Variants in SLC33A1 observed in about 807,000 individuals in gnomAD.
SLC33A1 encodes solute carrier family 33 member 1.
SLC33A1 carries 20 observed loss-of-function variants against 50.0 expected under a neutral mutation model. That is an observed-to-expected ratio of 0.40 (90% confidence interval 0.28 to 0.58). The LOEUF (loss-of-function observed/expected upper bound fraction) is 0.58. SLC33A1 is among the 20% of genes least tolerant of loss of function. SLC33A1 has a pLI of 0.44. For missense variants in SLC33A1, 476 were observed against 657.0 expected (o/e 0.72, Z 3.01); for synonymous variants, 265 against 251.8 (o/e 1.05, Z -0.50).
intron 1 of SLC33A1, among the ~76,000 whole-genome samples, chr3:155,849,715 C>G (rs1459528541): frequency 6.6e-6 from 1 of 151,644 alleles, no homozygotes; most frequent in East Asian, 2.0e-4. Context: ...CAAGACCAGC[C>G]TGGCCAACAT....
chr3:155,830,389 T>A (rs1752379476), intron 4 of SLC33A1, among the ~76,000 whole-genome samples: 2 of 150,354 alleles, frequency 1.3e-5, no homozygotes, highest in South Asian at 2.1e-4. Flanking sequence ...AATAAATAAA[T>A]AAAAATAAAT....
At chr3:155,840,007 C>T (rs962131921) in intron 2 of SLC33A1, among the ~76,000 whole-genome samples, 6 of 151,826 alleles carry the variant, frequency 4.0e-5, no homozygotes, top group Non-Finnish European at 5.9e-5. Flanking sequence ...TACACACATA[C>T]ATGCACACAC....
intron 1 of SLC33A1, among the ~76,000 whole-genome samples, chr3:155,846,625 G>A (rs1160590164): frequency 6.6e-6 from 1 of 151,816 alleles, no homozygotes; most frequent in Non-Finnish European, 1.5e-5. Context: ...GCTAATTTTT[G>A]TATTTTTAGT....
chr3:155,849,446 A>G (rs1282251719), intron 1 of SLC33A1, among the ~76,000 whole-genome samples: 1 of 152,214 alleles, frequency 6.6e-6, no homozygotes, highest in Non-Finnish European at 1.5e-5. Flanking sequence ...AGTCATAAAA[A>G]GGAGAATGAA....
intron 2 of SLC33A1, among the ~76,000 whole-genome samples, chr3:155,835,084 T>A (rs889764516): frequency 1.3e-5 from 2 of 152,306 alleles, no homozygotes; most frequent in South Asian, 4.2e-4. Context: ...TTCCCAATAT[T>A]GAGTTGTGGT....
intron 4 of SLC33A1, 32 bp downstream of exon 4, chr3:155,833,436 T>C (rs748526947): frequency 9.9e-7 from 1 of 1,005,718 alleles, no homozygotes; most frequent in Non-Finnish European, 1.6e-6. Context: ...CACAGAACAG[T>C]TTATTTCCTG....
At chr3:155,845,495 G>A (rs1014570943) in intron 1 of SLC33A1, among the ~76,000 whole-genome samples, 2 of 152,036 alleles carry the variant, frequency 1.3e-5, no homozygotes, top group South Asian at 4.1e-4. Flanking sequence ...CCCAGACAAG[G>A]ATATTTCTAA....
intron 1 of SLC33A1, chr3:155,842,851 A>G: frequency 3.7e-6 from 1 of 272,378 alleles, no homozygotes; most frequent in Non-Finnish European, 6.8e-6. Context: ...CCTACAAAAA[A>G]TAAGAAATTA....
chr3:155,847,029 G>A, intron 1 of SLC33A1, among the ~76,000 whole-genome samples: 1 of 151,632 alleles, frequency 6.6e-6, no homozygotes. Context: ...CCAACATGGT[G>A]AAACCCTGTC....
rs1752153431 is a variant in SLC33A1, at chr3:155,824,241, T to C, written c.*3969A>G. 6.6e-6 allele frequency: 1 copy of C among 152,270 alleles called. No homozygotes were observed. The highest frequency in any genetic ancestry group is 2.1e-4 in the South Asian group (1 of 4,838). 9.4% of individuals were successfully genotyped at this position (152,270 alleles called of 1,614,324 possible). A position where few individuals can be genotyped will look rare whatever the true frequency, so the allele number is the denominator to read the frequency against. On this transcript the variant is annotated 3_prime_UTR_variant, in exon 6 of 6. Transcript: ENST00000643144. The stretch of plus-strand genomic sequence containing the variant: ...ATACATTTTGGAAATCTGCATGGAA[T>C]GTTCCCAACAAGTTATTTCATTTTA...
At position 155,826,635 on chromosome 3, in the gene SLC33A1, C is replaced by T. The variant is rs1447116334; in HGVS notation, c.*1575G>A. On this transcript the variant is annotated 3_prime_UTR_variant, in exon 6 of 6. Transcript: ENST00000643144. ...GTATGGTTTGGTGTAGCCTCCTTGC[C>T]TCTAGGATGGGATTTTTTCCAGGTG... 1.3e-5 allele frequency: 2 copies of T among 151,946 alleles called. No individual in the cohort carries two copies. Among genetic ancestry groups the T allele is most frequent in the Non-Finnish European group, 2.9e-5 (2 of 68,006 alleles). The allele number at this position is 151,946 out of a possible 1,614,324, so 9.4% of individuals were successfully genotyped here. A position where few individuals can be genotyped will look rare whatever the true frequency, so the allele number is the denominator to read the frequency against.
At chr3:155,839,296 G>A (rs7372899) in intron 2 of SLC33A1, among the ~76,000 whole-genome samples, 15 of 44,950 alleles carry the variant, frequency 3.3e-4, no homozygotes, top group African/African-American at 8.5e-4. Context: ...GTGAAACTCC[G>A]CCTCAAAAAA....
intron 1 of SLC33A1, among the ~76,000 whole-genome samples, chr3:155,852,934 T>TAA (rs1753456200): frequency 6.6e-6 from 1 of 152,242 alleles, no homozygotes; most frequent in Admixed American, 6.5e-5. Context: ...CCACACTTTT[T>TAA]AAAAGTGTGC....
rs796780861 is a variant in SLC33A1, at chr3:155,841,620, T to A, written c.963+812A>T. ...ACTATAAAATTGAGACACCTTAATA[T>A]AGAATAAAAGTCACCAGTAATCCCC... On this transcript the variant is annotated intron_variant, in intron 2 of 5. Coordinates refer to ENST00000643144, the MANE Select transcript of SLC33A1 (RefSeq NM_004733.4). 3.9e-5 allele frequency among the ~76,000 whole-genome samples: 6 copies of A among 152,272 alleles called. No individual in the cohort carries two copies. In the East Asian group the frequency reaches 9.6e-4, roughly 24 times the overall value.
At chr3:155,845,760 T>C (rs1753144090) in intron 1 of SLC33A1, among the ~76,000 whole-genome samples, 1 of 152,204 alleles carries the variant, frequency 6.6e-6, no homozygotes, top group Non-Finnish European at 1.5e-5. Flanking sequence ...GAGACATCCA[T>C]AGCCTGTTAT....
At chr3:155,838,303 CA>C (rs796782402) in intron 2 of SLC33A1, among the ~76,000 whole-genome samples, 14 of 130,578 alleles carry the variant, frequency 1.1e-4, no homozygotes, top group South Asian at 2.4e-4. Flanking sequence ...AAATCCATCT[CA>C]AAAAAAAAAA....
chr3:155,826,334 C>A lies in SLC33A1; in HGVS notation c.*1876G>T, dbSNP rs1291795841. 1 of 151,506 alleles carries A rather than the reference C, an allele frequency of 6.6e-6. No homozygotes were observed. The highest frequency in any genetic ancestry group is 1.5e-5 in the Non-Finnish European group (1 of 67,980). The allele number at this position is 151,506 out of a possible 1,614,324, so 9.4% of individuals were successfully genotyped here. A position where few individuals can be genotyped will look rare whatever the true frequency, so the allele number is the denominator to read the frequency against. On this transcript the variant is annotated 3_prime_UTR_variant, in exon 6 of 6. Coordinates refer to ENST00000643144, the MANE Select transcript of SLC33A1 (RefSeq NM_004733.4). Reference sequence around the variant, plus strand: ...CCCAGGAGGCAGAGGTTGCAGTGAGCCGAGATTGCACCACTGTACTCCAGC... The same window carrying A: ...CCCAGGAGGCAGAGGTTGCAGTGAGACGAGATTGCACCACTGTACTCCAGC...
At chr3:155,840,904 GA>G (rs1407539081) in intron 2 of SLC33A1, among the ~76,000 whole-genome samples, 1 of 152,140 alleles carries the variant, frequency 6.6e-6, no homozygotes, top group Non-Finnish European at 1.5e-5. Flanking sequence ...AGAATCGCTT[GA>G]ACCCAGGAGG....
rs986722370 is a variant in SLC33A1 at position 155,823,427 on chromosome 3, T to C, written c.*4783A>G. On this transcript the variant is annotated 3_prime_UTR_variant, in exon 6 of 6. Transcript: ENST00000643144. Reference sequence around the variant, plus strand: ...GCTCACGCCTGTAATCCCAGCACTTTAGGAGGCCAAGGCGGGAAGATCACC... The same window carrying C: ...GCTCACGCCTGTAATCCCAGCACTTCAGGAGGCCAAGGCGGGAAGATCACC... The C allele has an allele frequency of 1.3e-5, 2 of 152,094 alleles. No individual in the cohort carries two copies. Among genetic ancestry groups the C allele is most frequent in the African/African-American group, 2.4e-5 (1 of 41,434 alleles). The allele number at this position is 152,094 out of a possible 1,614,324, so 9.4% of individuals were successfully genotyped here.
Sources: gnomAD v4.1 joint callset for allele counts (sites outside exome capture counted in the v4.1 genomes callset) on GRCh38, gnomAD v4.1.1 for gene constraint, MANE v1.5 for transcripts, NCBI Gene and HGNC (gene_info 2026-07-23, HGNC 2026-07-21) for gene names.